The following KCTD2 variants were observed in gnomAD, a reference collection of about 807,000 sequenced individuals.
The protein encoded by KCTD2 is BTB/POZ domain-containing protein KCTD2.
KCTD2 carries 18 observed loss-of-function variants against 27.9 expected under a neutral mutation model. The ratio of observed to expected loss-of-function variants is 0.64; its 90% CI spans 0.45 to 0.96. The LOEUF (loss-of-function observed/expected upper bound fraction) is 0.96. Among genes scored for constraint, KCTD2 ranks in the 40% least tolerant of loss-of-function variants. The probability of loss-of-function intolerance (pLI) is 0.00; values close to 1 mark genes in which losing one functional copy is unlikely to be tolerated. For missense variants in KCTD2, 280 were observed against 348.0 expected, an observed-to-expected ratio of 0.80 and a Z score of 1.56; for synonymous variants, 175 against 148.4, an observed-to-expected ratio of 1.18 and a Z score of -1.30.
chr17:75,049,371 G>C, intron 2 of KCTD2, 43 bp downstream of exon 2: 1 of 1,216,960 alleles, frequency 8.2e-7, no homozygotes, highest in Non-Finnish European at 1.2e-6. Flanking sequence ...AATGCAAGTA[G>C]AATCTTTAAA....
chr17:75,051,172 A>C (rs2073281034), intron 2 of KCTD2, among the ~76,000 whole-genome samples: 1 of 148,384 alleles, frequency 6.7e-6, no homozygotes, highest in African/African-American at 2.5e-5. Flanking sequence ...ACAGGGTTTC[A>C]CCATATTAGC....
At chr17:75,047,782 T>A (rs1452882880) in intron 1 of KCTD2, among the ~76,000 whole-genome samples, 193 bp downstream of exon 1, 1 of 151,958 alleles carries the variant, frequency 6.6e-6, no homozygotes, top group Non-Finnish European at 1.5e-5. Context: ...TGCTGAGGCA[T>A]ACTCTGGCTT....
intron 4 of KCTD2, chr17:75,060,694 G>T: frequency 7.8e-7 from 1 of 1,289,766 alleles, no homozygotes; most frequent in Non-Finnish European, 1.0e-6. Context: ...TGCACTCAGG[G>T]TCTCGGTCGC....
rs969553659 is a variant in KCTD2 at position 75,063,169 on chromosome 17, G to C, written c.*122G>C. ...AAAGCACAGCTGATCCTGGCCCCCT[G>C]TGAAGAAGTGTTCTGGTCAAAACTA... On this transcript the variant is annotated 3_prime_UTR_variant, in exon 6 of 6. Coordinates refer to ENST00000322444, the MANE Select transcript of KCTD2 (RefSeq NM_015353.3). The C allele has an allele frequency of 1.7e-5, 16 of 932,586 alleles. No homozygotes were observed. In the East Asian group the frequency reaches 4.1e-4, roughly 24 times the overall value. The allele number at this position is 932,586 out of a possible 1,614,324, so 57.8% of individuals were successfully genotyped here.
intron 3 of KCTD2, among the ~76,000 whole-genome samples, chr17:75,036,670 T>C (rs1567985744): frequency 6.6e-6 from 1 of 152,206 alleles, no homozygotes; most frequent in African/African-American, 2.4e-5. Flanking sequence ...CAGCGCGAGC[T>C]CTAACTATGC....
At chr17:75,040,217 A>T (rs1480349843) in intron 3 of KCTD2, 22 of 1,608,412 alleles carry the variant, frequency 1.4e-5, no homozygotes, top group Middle Eastern at 4.5e-4. Context: ...AAACACAAGG[A>T]CAGTGAGTCG....
intron 2 of KCTD2, among the ~76,000 whole-genome samples, chr17:75,051,486 A>G (rs970503976): frequency 6.6e-6 from 1 of 150,820 alleles, no homozygotes; most frequent in Admixed American, 6.6e-5. Context: ...GGGTTTCACC[A>G]TGTTGGTCAG....
chr17:75,043,654 C>T (rs1310590503), upstream of KCTD2, among the ~76,000 whole-genome samples: 1 of 151,624 alleles, frequency 6.6e-6, no homozygotes, highest in Non-Finnish European at 1.5e-5. Flanking sequence ...TTTATCCCCT[C>T]CATGTGCCTC....
chr17:75,047,378 G>GGCACGGCCGCCCGGCTGCCGCCGTC lies in KCTD2; in HGVS notation c.131_155dup (p.Gln53ArgfsTer71). 1.8e-6 allele frequency: 2 copies of GGCACGGCCGCCCGGCTGCCGCCGTC among 1,133,310 alleles called. No individual in the cohort carries two copies. The highest frequency in any genetic ancestry group is 3.3e-5 in the African/African-American group (2 of 60,596). The allele number at this position is 1,133,310 out of a possible 1,614,324, so 70.2% of individuals were successfully genotyped here. Reference sequence around the variant, plus strand: ...CGCCCGGCTGGCCCCACGCCCCGCGGGCACGGCCGCCCGGCTGCCGCCGTC... The same window carrying GGCACGGCCGCCCGGCTGCCGCCGTC: ...CGCCCGGCTGGCCCCACGCCCCGCGGGCACGGCCGCCCGGCTGCCGCCGTCGCACGGCCGCCCGGCTGCCGCCGTC... On this transcript the variant is annotated frameshift_variant, in exon 1 of 6. Transcript: ENST00000322444. LOFTEE classifies it high-confidence loss of function.
At chr17:75,037,845 C>T (rs1033865152) in intron 3 of KCTD2, among the ~76,000 whole-genome samples, 1 of 151,950 alleles carries the variant, frequency 6.6e-6, no homozygotes, top group Non-Finnish European at 1.5e-5. Flanking sequence ...GTCAGGAGAT[C>T]GAGACCATCC....
Position 75,047,496 on chromosome 17 carries a change from C to T in KCTD2, c.246C>T (p.Tyr82=). ...TCAGGCTGAACGTGGGAGGCACCTA[C>T]TTCGTGACCACCAGACAGACCTTAG... ...RWVRLNVGGT[Y]FVTTRQTLGR... Residue 82 remains tyrosine (Y), a synonymous_variant, in exon 1 of 6, where the codon TAC becomes TAT. Coordinates refer to ENST00000322444, the MANE Select transcript of KCTD2 (RefSeq NM_015353.3). The T allele has an allele frequency of 1.9e-6, 3 of 1,604,728 alleles. No individual in the cohort carries two copies. Among genetic ancestry groups the T allele is most frequent in the South Asian group, 1.1e-5 (1 of 90,882 alleles).
intron 3 of KCTD2, 45 bp from the exon 4 acceptor site, chr17:75,059,463 CTG>C: frequency 7.5e-7 from 1 of 1,326,980 alleles, no homozygotes; most frequent in South Asian, 1.4e-5. Context: ...CAGCTGCAAA[CTG>C]TGGTGTCCTT....
intron 3 of KCTD2, chr17:75,039,182 T>C (rs1185595616): frequency 1.2e-6 from 2 of 1,613,760 alleles, no homozygotes; most frequent in Admixed American, 1.7e-5. Context: ...ACCCATATTA[T>C]AGGCAACGGC....
chr17:75,055,727 G>A (rs1310728765), intron 3 of KCTD2, among the ~76,000 whole-genome samples: 1 of 152,186 alleles, frequency 6.6e-6, no homozygotes, highest in African/African-American at 2.4e-5. Flanking sequence ...AGCTACTTGG[G>A]AGGCTGAGGC....
intron 3 of KCTD2, among the ~76,000 whole-genome samples, chr17:75,038,599 A>G (rs1257729796): frequency 6.6e-6 from 1 of 152,260 alleles, no homozygotes; most frequent in Non-Finnish European, 1.5e-5. Context: ...TTGAAACCAA[A>G]GAGGAAGTTG....
At chr17:75,058,614 C>T (rs1046238371) in intron 3 of KCTD2, among the ~76,000 whole-genome samples, 1 of 148,722 alleles carries the variant, frequency 6.7e-6, no homozygotes, top group African/African-American at 2.5e-5. Context: ...GCCTGGCCAA[C>T]ATGGTGAATC....
intron 2 of KCTD2, chr17:75,035,130 G>GT (rs1343806525): frequency 1.3e-5 from 2 of 151,776 alleles, no homozygotes; most frequent in Non-Finnish European, 2.9e-5. Context: ...TGGCCTAATG[G>GT]ATAAGGCGTC....
At position 75,065,208 on chromosome 17, in the gene KCTD2, C is replaced by T. The variant is rs992504470; in HGVS notation, c.*2161C>T. 1.3e-5 allele frequency: 2 copies of T among 152,312 alleles called. No homozygotes were observed. Among genetic ancestry groups the T allele is most frequent in the East Asian group, 1.9e-4 (1 of 5,192 alleles). The allele number at this position is 152,312 out of a possible 1,614,324, so 9.4% of individuals were successfully genotyped here. On this transcript the variant is annotated 3_prime_UTR_variant, in exon 6 of 6. Coordinates refer to ENST00000322444, the MANE Select transcript of KCTD2 (RefSeq NM_015353.3). ...GACAGGAGTGGTATTTCCGCCCTCT[C>T]GGAGGGCTGGTGTTCACCAAGTTTC...
chr17:75,058,747 G>A (rs146259371), intron 3 of KCTD2, among the ~76,000 whole-genome samples: 2,562 of 151,694 alleles, frequency 0.017, 56 homozygotes, highest in African/African-American at 0.057. Context: ...GCAGTGAGCT[G>A]AGATCGCGCC....
Sources: gnomAD v4.1 joint callset for allele counts (sites outside exome capture counted in the v4.1 genomes callset) on GRCh38, gnomAD v4.1.1 for gene constraint, MANE v1.5 for transcripts, NCBI Gene and HGNC (gene_info 2026-07-23, HGNC 2026-07-21) for gene names.